C9orf43: variants seen among roughly 807,000 people sequenced by gnomAD.
The protein encoded by C9orf43 is uncharacterized protein C9orf43.
Under a neutral mutation model 59.1 loss-of-function variants are expected in C9orf43, and 45 were observed. The ratio of observed to expected loss-of-function variants is 0.76; its 90% CI spans 0.60 to 0.98. The LOEUF is 0.98. Among genes scored for constraint, C9orf43 ranks in the 50% least tolerant of loss-of-function variants. The pLI is 0.00. For synonymous variants in C9orf43, 203 were observed against 196.8 expected, an observed-to-expected ratio of 1.03 and a Z score of -0.26; for missense variants, 533 against 554.9, an observed-to-expected ratio of 0.96 and a Z score of 0.40.
In C9orf43 at chr9:113,422,491, T is replaced by A. The variant is rs948863652; in HGVS notation, c.447-58T>A. 6 of 1,604,218 alleles carry A rather than the reference T, an allele frequency of 3.7e-6. No homozygotes were observed. The African/African-American group carries it at 8.1e-5, about 22-fold the overall frequency. ...ATCTGGGAATAAGTTGTGCTTACTC[T>A]TATTTCAAGTCCAGCTGAGAAGCAT... On this transcript the variant is annotated intron_variant, in intron 5 of 13. Coordinates refer to ENST00000374165, the MANE Select transcript of C9orf43 (RefSeq NM_001278629.2).
intron 1 of C9orf43, 131 bp from the exon 2 acceptor site, chr9:113,413,314 T>A: frequency 1.3e-6 from 1 of 785,536 alleles, no homozygotes; most frequent in Non-Finnish European, 1.8e-6. Flanking sequence ...ATCCAATCTT[T>A]AATTATTTTG....
rs1828918057 is a variant in C9orf43 at position 113,429,606 on chromosome 9, C to T, written c.*220C>T. ...TAAAATAAATGTAGGAGAAAAATCCCCAGCCTTTTTAAATTTAGATTATTT... is the reference window on the plus strand; with the variant it reads ...TAAAATAAATGTAGGAGAAAAATCCTCAGCCTTTTTAAATTTAGATTATTT... On this transcript the variant is annotated 3_prime_UTR_variant, in exon 14 of 14. Coordinates refer to ENST00000374165, the MANE Select transcript of C9orf43 (RefSeq NM_001278629.2). 2.0e-6 allele frequency: 1 copy of T among 495,528 alleles called. No individual in the cohort carries two copies. The allele number at this position is 495,528 out of a possible 1,614,324, so 30.7% of individuals were successfully genotyped here. A position where few individuals can be genotyped will look rare whatever the true frequency, so the allele number is the denominator to read the frequency against.
intron 12 of C9orf43, 55 bp from the exon 13 acceptor site, chr9:113,428,845 C>G: frequency 2.7e-6 from 4 of 1,476,208 alleles, no homozygotes; most frequent in Non-Finnish European, 3.8e-6. Flanking sequence ...TAGAAAAATC[C>G]TTTTAGTTTC....
At chr9:113,416,545 T>C (rs1016287685) in intron 3 of C9orf43, among the ~76,000 whole-genome samples, 1 of 152,166 alleles carries the variant, frequency 6.6e-6, no homozygotes, top group African/African-American at 2.4e-5. Flanking sequence ...CTGGACCTCA[T>C]CTCGCATTTC....
intron 11 of C9orf43, among the ~76,000 whole-genome samples, chr9:113,427,129 G>A (rs113784406): frequency 0.041 from 6,183 of 152,226 alleles, 168 homozygotes; most frequent in South Asian, 0.1. Flanking sequence ...GGCCAGTGGT[G>A]CTCCGCCTTG....
intron 6 of C9orf43, 46 bp from the exon 7 acceptor site, chr9:113,423,280 C>T (rs770670164): frequency 1.5e-5 from 24 of 1,589,130 alleles, no homozygotes; most frequent in Non-Finnish European, 1.8e-5. Flanking sequence ...AAGGACTAGG[C>T]TAAAAAGAAT....
At chr9:113,425,962 T>C (rs1287721545) in intron 11 of C9orf43, among the ~76,000 whole-genome samples, 1 of 152,192 alleles carries the variant, frequency 6.6e-6, no homozygotes, top group Non-Finnish European at 1.5e-5. Context: ...GCTTGAAAGA[T>C]GACCATGAAC....
chr9:113,411,174 TG>T, intron 1 of C9orf43, 173 bp downstream of exon 1: 13 of 893,040 alleles, frequency 1.5e-5, no homozygotes, highest in Non-Finnish European at 1.6e-5. Flanking sequence ...TTTCACTGTA[TG>T]AAGAATGCAA....
intron 5 of C9orf43, among the ~76,000 whole-genome samples, chr9:113,422,172 A>T (rs956578861): frequency 8.5e-5 from 13 of 152,194 alleles, no homozygotes; most frequent in Admixed American, 8.5e-4. Flanking sequence ...AACCAAATAG[A>T]TTTGGTCCCT....
chr9:113,424,932 T>G, intron 8 of C9orf43, 87 bp from the exon 9 acceptor site: 7 of 1,151,410 alleles, frequency 6.1e-6, no homozygotes, highest in South Asian at 4.0e-5. Context: ...GCTTGTTGAC[T>G]GGATGAATAA....
intron 4 of C9orf43, among the ~76,000 whole-genome samples, 179 bp downstream of exon 4, chr9:113,419,344 C>T (rs1197384822): frequency 6.6e-6 from 1 of 152,072 alleles, no homozygotes; most frequent in African/African-American, 2.4e-5. Flanking sequence ...ATCTACATGC[C>T]ATATTGTTTT....
chr9:113,413,944 G>T, intron 3 of C9orf43, 50 bp downstream of exon 3: 1 of 1,552,856 alleles, frequency 6.4e-7, no homozygotes, highest in Non-Finnish European at 8.7e-7. Flanking sequence ...CAAAATTCTG[G>T]ATTATGATTT....
chr9:113,425,788 AG>A, intron 11 of C9orf43, 58 bp downstream of exon 11: 1 of 1,372,814 alleles, frequency 7.3e-7, no homozygotes, highest in Non-Finnish European at 1.0e-6. Context: ...TAGGTATCTG[AG>A]GGCAGGAAAA....
chr9:113,419,251 C>A (rs1437327138), intron 4 of C9orf43, 86 bp downstream of exon 4: 2 of 1,057,552 alleles, frequency 1.9e-6, no homozygotes, highest in Admixed American at 2.1e-5. Flanking sequence ...TGAAATTATT[C>A]CTCAGGAGGA....
intron 11 of C9orf43, 124 bp from the exon 12 acceptor site, chr9:113,428,023 G>GC (rs1171418855): frequency 1.2e-6 from 1 of 848,538 alleles, no homozygotes. Context: ...CCTTTTACCT[G>GC]CCATCAAGGT....
chr9:113,411,101 G>T (rs1047867656), intron 1 of C9orf43, 100 bp downstream of exon 1: 46 of 985,276 alleles, frequency 4.7e-5, no homozygotes, highest in Non-Finnish European at 5.4e-5. Context: ...ATAGAGATGC[G>T]CCTGATTAGG....
chr9:113,417,769 A>T lies in C9orf43; in HGVS notation c.288-1339A>T, dbSNP rs573756523. On this transcript the variant is annotated intron_variant, in intron 3 of 13. Coordinates refer to ENST00000374165, the MANE Select transcript of C9orf43 (RefSeq NM_001278629.2). ...GAAATTGTGTCTGTATCAGGAAAAT[A>T]GTTCATTGTGCCTAGAACATAGAGC... Among the ~76,000 whole-genome samples, 74 of 152,356 alleles carry T rather than the reference A, an allele frequency of 4.9e-4. 2 individuals are homozygous for T. In the South Asian group the frequency reaches 0.013, roughly 27 times the overall value.
intron 8 of C9orf43, 34 bp from the exon 9 acceptor site, chr9:113,424,984 AG>A: frequency 5.7e-6 from 9 of 1,581,564 alleles, no homozygotes; most frequent in Non-Finnish European, 7.8e-6. Context: ...AAAGACCTGC[AG>A]TAGAGCTTTT....
intron 5 of C9orf43, among the ~76,000 whole-genome samples, chr9:113,421,825 A>G (rs560737082): frequency 6.6e-6 from 1 of 152,100 alleles, no homozygotes; most frequent in African/African-American, 2.4e-5. Context: ...GCTTCTCTCT[A>G]TATATATGCA....
Sources: gnomAD v4.1 joint callset for allele counts (sites outside exome capture counted in the v4.1 genomes callset) on GRCh38, gnomAD v4.1.1 for gene constraint, MANE v1.5 for transcripts, NCBI Gene and HGNC (gene_info 2026-07-23, HGNC 2026-07-21) for gene names.